TMEM132B: variants seen among roughly 807,000 people sequenced by gnomAD.
TMEM132B encodes the protein transmembrane protein 132B.
TMEM132B carries 18 observed loss-of-function variants against 90.8 expected under a neutral mutation model. The ratio of observed to expected loss-of-function variants is 0.20; its 90% confidence interval spans 0.14 to 0.29. The LOEUF is 0.29. Ranked by LOEUF, TMEM132B falls within the 10% of genes least tolerant of loss-of-function variation. TMEM132B has a pLI of 1.00. For synonymous variants in TMEM132B, 504 were observed against 523.3 expected (o/e 0.96, Z 0.50); for missense variants, 1,096 against 1,326.8 (o/e 0.83, Z 2.70).
chr12:125,592,910 T>C (rs1885352488), intron 5 of TMEM132B, among the ~76,000 whole-genome samples: 1 of 152,206 alleles, frequency 6.6e-6, no homozygotes, highest in South Asian at 2.1e-4. Flanking sequence ...GCGTATTGGT[T>C]TTGTTTTTGT....
intron 4 of TMEM132B, among the ~76,000 whole-genome samples, chr12:125,554,561 T>C (rs2136771671): frequency 6.6e-6 from 1 of 152,148 alleles, no homozygotes; most frequent in Admixed American, 6.6e-5. Context: ...TCTTTTATAA[T>C]GTTCAATCAG....
At chr12:125,435,585 C>T (rs908949553) in intron 3 of TMEM132B, among the ~76,000 whole-genome samples, 9 of 152,194 alleles carry the variant, frequency 5.9e-5, no homozygotes, top group African/African-American at 1.9e-4. Context: ...CTGAATTTAC[C>T]GCACTGAACA....
chr12:125,492,838 C>G lies in TMEM132B; in HGVS notation c.1107-26601C>G. On this transcript the variant is annotated intron_variant, in intron 3 of 8. Coordinates refer to ENST00000682704, the MANE Select transcript of TMEM132B (RefSeq NM_001366854.1). This position sits in a 1 kb window ranked among gnomAD's most constrained non-coding sequence, Gnocchi z 5.8. Reference sequence around the variant, plus strand: ...TGTCAGGCTCCAGGGATAGACACAGCGCCAACCAAAGGCTCAGTTCCACCC... The same window carrying G: ...TGTCAGGCTCCAGGGATAGACACAGGGCCAACCAAAGGCTCAGTTCCACCC... Among the ~76,000 whole-genome samples, 1 of 152,236 alleles carries G rather than the reference C, an allele frequency of 6.6e-6. No homozygotes were observed. Among genetic ancestry groups the G allele is most frequent in the African/African-American group, 2.4e-5 (1 of 41,550 alleles).
At chr12:125,548,198 G>T (rs1421579434) in intron 4 of TMEM132B, among the ~76,000 whole-genome samples, 1 of 152,132 alleles carries the variant, frequency 6.6e-6, no homozygotes, top group African/African-American at 2.4e-5. Context: ...CCTGGCAATT[G>T]AGTGCTCTGG....
At chr12:125,474,056 TTTTCCTTTCCTTTCC>T (rs113319203) in intron 3 of TMEM132B, among the ~76,000 whole-genome samples, 8,279 of 129,432 alleles carry the variant, frequency 0.064, 802 homozygotes, top group African/African-American at 0.22. Context: ...CCTTCTTTCT[TTTTCCTTTCCTTTCC>T]TTTCCTTTCC....
chr12:125,594,305 G>A (rs1885388490), intron 5 of TMEM132B, among the ~76,000 whole-genome samples: 1 of 152,138 alleles, frequency 6.6e-6, no homozygotes, highest in Non-Finnish European at 1.5e-5. Flanking sequence ...ATCTATTGAT[G>A]GACATCTGGG....
Position 125,654,051 on chromosome 12 carries a change from T to C in TMEM132B, c.2593T>C (p.Leu865=). ...GTCTCCCATGGAAGGGAAGAATAAG[T>C]TACTCAAAAGTGGTGGTCCAGATGC... The part of the protein sequence containing the change: ...PQSPMEGKNK[L]LKSGGPDAFT... Residue 865 remains leucine (L), a synonymous_variant, in exon 9 of 9, where the codon TTA becomes CTA. Transcript: ENST00000682704. The surrounding 1 kb of genome is among the most constrained non-coding windows in gnomAD (Gnocchi z 5.8). 6.2e-7 allele frequency: 1 copy of C among 1,614,128 alleles called. No homozygotes were observed. The highest frequency in any genetic ancestry group is 8.5e-7 in the Non-Finnish European group (1 of 1,180,002).
At position 125,570,498 on chromosome 12, in the gene TMEM132B, G is replaced by A. The variant is rs75779147; in HGVS notation, c.1294-13353G>A. On this transcript the variant is annotated intron_variant, in intron 4 of 8. Coordinates refer to ENST00000682704, the MANE Select transcript of TMEM132B (RefSeq NM_001366854.1). The stretch of plus-strand genomic sequence containing the variant: ...TGTCACCACCTGGGAGACACAGGTC[G>A]GTCCTTAACAGAGTCACATTTTATT... Among the ~76,000 whole-genome samples the A allele has an allele frequency of 1.1e-3, 165 of 152,274 alleles. 2 individuals carry two copies. The East Asian group carries it at 0.029, about 27-fold the overall frequency.
chr12:125,651,646 C>T (rs896566430), intron 7 of TMEM132B, among the ~76,000 whole-genome samples: 2 of 152,172 alleles, frequency 1.3e-5, no homozygotes, highest in Non-Finnish European at 1.5e-5. Flanking sequence ...AAAAAACACC[C>T]GTTAGTCAGC....
At chr12:125,651,100 T>A in intron 7 of TMEM132B, 147 bp downstream of exon 7, 1 of 1,139,732 alleles carries the variant, frequency 8.8e-7, no homozygotes, top group African/African-American at 1.5e-5. Flanking sequence ...CCTCTGTTTG[T>A]TTGTAAGAGA....
chr12:125,260,801 A>G (rs1003285930), intron 1 of TMEM132B, among the ~76,000 whole-genome samples: 2 of 152,224 alleles, frequency 1.3e-5, no homozygotes, highest in East Asian at 3.8e-4. Context: ...TGTAACCCCA[A>G]GCACTTTAGG....
At chr12:125,563,115 C>A (rs1884573579) in intron 4 of TMEM132B, among the ~76,000 whole-genome samples, 1 of 149,198 alleles carries the variant, frequency 6.7e-6, no homozygotes, top group African/African-American at 2.5e-5. Flanking sequence ...ATGGGAACAT[C>A]AAAGATCAGT....
chr12:125,480,238 A>C (rs1882001986), intron 3 of TMEM132B, among the ~76,000 whole-genome samples: 1 of 152,214 alleles, frequency 6.6e-6, no homozygotes, highest in Non-Finnish European at 1.5e-5. Flanking sequence ...AGGTAGCAGA[A>C]GGCAAGAAAT....
chr12:125,619,505 C>G (rs1323759571), intron 5 of TMEM132B, among the ~76,000 whole-genome samples: 1 of 152,110 alleles, frequency 6.6e-6, no homozygotes, highest in African/African-American at 2.4e-5. Flanking sequence ...ACAGGGATTA[C>G]AGGTGTGTGC....
rs1221349955 is a variant in TMEM132B, at chr12:125,662,133, C to T, written c.*7423C>T. The T allele has an allele frequency of 6.6e-6, 1 of 152,188 alleles. No homozygotes were observed. Among genetic ancestry groups the T allele is most frequent in the Non-Finnish European group, 1.5e-5 (1 of 68,038 alleles). The allele number at this position is 152,188 out of a possible 1,614,324, so 9.4% of individuals were successfully genotyped here. A position where few individuals can be genotyped will look rare whatever the true frequency, so the allele number is the denominator to read the frequency against. Reference sequence around the variant, plus strand: ...TCTGGCATTTGAAAAGGTGTTATCCCTTACTTTCCACATTTCTGAATTGGA... The same window carrying T: ...TCTGGCATTTGAAAAGGTGTTATCCTTTACTTTCCACATTTCTGAATTGGA... On this transcript the variant is annotated 3_prime_UTR_variant, in exon 9 of 9. Coordinates refer to ENST00000682704, the MANE Select transcript of TMEM132B (RefSeq NM_001366854.1).
At chr12:125,207,218 G>A (rs529933989) in intron 1 of TMEM132B, among the ~76,000 whole-genome samples, 2 of 152,230 alleles carry the variant, frequency 1.3e-5, no homozygotes, top group Non-Finnish European at 2.9e-5. Flanking sequence ...GGGGCCGGTA[G>A]CACTGGGTCC....
intron 3 of TMEM132B, among the ~76,000 whole-genome samples, chr12:125,430,006 T>G (rs2136396712): frequency 6.6e-6 from 1 of 152,318 alleles, no homozygotes; most frequent in Middle Eastern, 3.4e-3. Context: ...CAGCTCCACT[T>G]TACTTTCTGA....
rs1356128857 is a variant in TMEM132B at position 125,478,562 on chromosome 12, A to T, written c.1107-40877A>T. ...GAAGCAAGAAGAGAAGTTTAGAGAA[A>T]AAAGAGTAAAAACAAATGAACAAAG... On this transcript the variant is annotated intron_variant, in intron 3 of 8. Transcript: ENST00000682704. Among the ~76,000 whole-genome samples, 3 of 152,224 alleles carry T rather than the reference A, an allele frequency of 2.0e-5. No individual in the cohort carries two copies. The East Asian group carries it at 5.8e-4, about 29-fold the overall frequency.
At position 125,567,319 on chromosome 12, in the gene TMEM132B, GTC is replaced by G. The variant is rs142461769; in HGVS notation, c.1294-16528_1294-16527del. Among the ~76,000 whole-genome samples, 11 of 152,138 alleles carry G rather than the reference GTC, an allele frequency of 7.2e-5. No homozygotes were observed. In the East Asian group the frequency reaches 2.1e-3, roughly 29 times the overall value. ...TTCTCTGTCTATAGAGCTGTCTAAT[GTC>G]TCTATCTGTATATCTGTGTCTCTTT... On this transcript the variant is annotated intron_variant, in intron 4 of 8. Coordinates refer to ENST00000682704, the MANE Select transcript of TMEM132B (RefSeq NM_001366854.1).
Sources: gnomAD v4.1 joint callset for allele counts (sites outside exome capture counted in the v4.1 genomes callset) on GRCh38, gnomAD v4.1.1 for gene constraint, Gnocchi (gnomAD v3.1) non-coding constraint, MANE v1.5 for transcripts, NCBI Gene and HGNC (gene_info 2026-07-23, HGNC 2026-07-21) for gene names.